ME3: variants seen among roughly 807,000 people sequenced by gnomAD.
The protein encoded by ME3 is malic enzyme 3, also known as NADP-dependent malic enzyme, mitochondrial.
Under a neutral mutation model 68.9 loss-of-function variants are expected in ME3, and 48 were observed. That is an observed-to-expected ratio of 0.70 (90% CI 0.55 to 0.89). The LOEUF (loss-of-function observed/expected upper bound fraction) is 0.89. Ranked by LOEUF, ME3 falls within the 40% of genes least tolerant of loss-of-function variation. The pLI, the probability that ME3 is intolerant of heterozygous loss-of-function variation, is 0.00. For synonymous variants in ME3, 320 were observed against 318.8 expected (o/e 1.00, Z -0.04); for missense variants, 675 against 797.4 (o/e 0.85, Z 1.85).
At chr11:86,648,848 G>T in intron 2 of ME3, among the ~76,000 whole-genome samples, 1 of 152,168 alleles carries the variant, frequency 6.6e-6, no homozygotes, top group South Asian at 2.1e-4. Context: ...AACCAAAAAA[G>T]CCCAGGACCA....
At chr11:86,574,357 A>G (rs1006589594) in intron 2 of ME3, among the ~76,000 whole-genome samples, 12 of 119,596 alleles carry the variant, frequency 1.0e-4, no homozygotes, top group African/African-American at 3.5e-4. Flanking sequence ...TCTACCTTTG[A>G]TCTTTGAGGC....
intron 2 of ME3, among the ~76,000 whole-genome samples, chr11:86,604,874 A>G (rs959774500): frequency 5.3e-5 from 8 of 152,198 alleles, no homozygotes; most frequent in Non-Finnish European, 1.2e-4. Context: ...TTTAAAATTA[A>G]CCATTTTAAA....
intron 2 of ME3, among the ~76,000 whole-genome samples, chr11:86,663,900 A>G (rs60713097): frequency 6.8e-4 from 104 of 152,376 alleles, no homozygotes; most frequent in African/African-American, 2.4e-3. Flanking sequence ...GGTCTGGGCA[A>G]AACACATATT....
chr11:86,515,402 G>C (rs996710047), intron 4 of ME3, among the ~76,000 whole-genome samples: 4 of 152,134 alleles, frequency 2.6e-5, no homozygotes, highest in Non-Finnish European at 4.4e-5. Context: ...AGGTGGAGGT[G>C]AGATTAGAAC....
At chr11:86,538,000 G>A in intron 4 of ME3, among the ~76,000 whole-genome samples, 1 of 152,150 alleles carries the variant, frequency 6.6e-6, no homozygotes, top group Non-Finnish European at 1.5e-5. Flanking sequence ...TCTTTAACAT[G>A]GCACCTTGAT....
intron 2 of ME3, among the ~76,000 whole-genome samples, chr11:86,592,644 T>C (rs2139673690): frequency 6.6e-6 from 1 of 152,316 alleles, no homozygotes; most frequent in South Asian, 2.1e-4. Context: ...TCTCCAGATC[T>C]GAAATTAAAC....
intron 2 of ME3, among the ~76,000 whole-genome samples, chr11:86,636,855 G>A (rs1944362629): frequency 6.6e-6 from 1 of 152,328 alleles, no homozygotes; most frequent in Middle Eastern, 3.4e-3. Context: ...GTTAGTTTCT[G>A]TTTCTCCTTA....
chr11:86,570,016 C>T (rs1202381452), intron 2 of ME3, among the ~76,000 whole-genome samples: 5 of 152,150 alleles, frequency 3.3e-5, no homozygotes, highest in Admixed American at 3.3e-4. Flanking sequence ...TTGAGCATTC[C>T]TCTGTATTTG....
At chr11:86,499,423 T>C (rs1026041519) in intron 5 of ME3, among the ~76,000 whole-genome samples, 3 of 152,176 alleles carry the variant, frequency 2.0e-5, no homozygotes, top group African/African-American at 4.8e-5. Context: ...CATCCCTTCA[T>C]TGGAACCTGG....
At chr11:86,450,449 C>A in intron 8 of ME3, 51 bp from the exon 9 acceptor site, 1 of 1,491,338 alleles carries the variant, frequency 6.7e-7, no homozygotes, top group East Asian at 2.3e-5. Flanking sequence ...CGCCAGCTCC[C>A]AAGAGAAGAC....
intron 4 of ME3, among the ~76,000 whole-genome samples, chr11:86,524,945 A>C (rs571563692): frequency 1.3e-5 from 2 of 152,360 alleles, no homozygotes; most frequent in Non-Finnish European, 2.9e-5. Context: ...AAAGGAAGGA[A>C]TCTCAGAACA....
chr11:86,558,533 G>A (rs1957043909), intron 3 of ME3, among the ~76,000 whole-genome samples: 1 of 152,140 alleles, frequency 6.6e-6, no homozygotes, highest in Admixed American at 6.5e-5. Context: ...GGGAAACAGA[G>A]GAATATGAGT....
intron 4 of ME3, among the ~76,000 whole-genome samples, chr11:86,542,029 C>T (rs1366718121): frequency 1.3e-5 from 2 of 152,148 alleles, no homozygotes; most frequent in African/African-American, 4.8e-5. Context: ...GAGTGGACCT[C>T]CAGCAAACTC....
At chr11:86,485,246 T>C (rs1244234765) in intron 7 of ME3, among the ~76,000 whole-genome samples, 1 of 152,196 alleles carries the variant, frequency 6.6e-6, no homozygotes, top group Non-Finnish European at 1.5e-5. Flanking sequence ...GTCCCTGACA[T>C]AGACAGAGCA....
chr11:86,650,237 G>A (rs887999547), intron 2 of ME3, among the ~76,000 whole-genome samples: 2 of 152,094 alleles, frequency 1.3e-5, no homozygotes, highest in African/African-American at 4.8e-5. Context: ...AATGGTGTTG[G>A]GAAAACTGGC....
chr11:86,438,948 G>T (rs1342678048), downstream of ME3, among the ~76,000 whole-genome samples: 7 of 152,144 alleles, frequency 4.6e-5, no homozygotes, highest in Admixed American at 3.3e-4. Flanking sequence ...GCAAGCTGGA[G>T]ATCTAGGAGA....
intron 3 of ME3, among the ~76,000 whole-genome samples, chr11:86,558,215 C>T (rs1957028304): frequency 6.6e-6 from 1 of 152,160 alleles, no homozygotes; most frequent in Admixed American, 6.5e-5. Context: ...AAGAGGATTT[C>T]ACTTTGGACT....
chr11:86,462,147 A>G (rs563878218), intron 8 of ME3, among the ~76,000 whole-genome samples: 5 of 152,356 alleles, frequency 3.3e-5, no homozygotes, highest in African/African-American at 1.2e-4. Flanking sequence ...AGCACAGTCA[A>G]TCCTTGAACA....
At chr11:86,564,973 A>G (rs1036383176) in intron 2 of ME3, among the ~76,000 whole-genome samples, 1 of 152,236 alleles carries the variant, frequency 6.6e-6, no homozygotes, top group Admixed American at 6.5e-5. Context: ...TCCAGAATAT[A>G]CAAAGGACTC....
Sources: allele counts gnomAD v4.1 joint callset (sites outside exome capture counted in the v4.1 genomes callset), GRCh38; gene constraint gnomAD v4.1.1; transcripts MANE v1.5; gene names NCBI Gene and HGNC (gene_info 2026-07-23, HGNC 2026-07-21).